TENM3: variants seen among roughly 807,000 people sequenced by gnomAD.
The protein encoded by TENM3 is teneurin transmembrane protein 3, also known as teneurin-3.
TENM3 carries 63 observed loss-of-function variants against 255.1 expected under a neutral mutation model. That is an observed-to-expected ratio of 0.25 (90% CI 0.20 to 0.30). The LOEUF (loss-of-function observed/expected upper bound fraction) is 0.30. Ranked by LOEUF, TENM3 falls within the 10% of genes least tolerant of loss-of-function variation. The pLI is 1.00. For missense variants in TENM3, 2,929 were observed against 3,461.1 expected (o/e 0.85, Z 3.86); for synonymous variants, 1,306 against 1,322.3 (o/e 0.99, Z 0.27).
chr4:182,657,498 TTC>T (rs1753853244), intron 6 of TENM3, among the ~76,000 whole-genome samples: 1 of 152,154 alleles, frequency 6.6e-6, no homozygotes, highest in African/African-American at 2.4e-5. Flanking sequence ...CTTGATCCCA[TTC>T]TCTCTTCAGA....
chr4:181,871,871 T>G, the TENM3 span, among the ~76,000 whole-genome samples: 33 of 152,144 alleles, frequency 2.2e-4, no homozygotes, highest in Admixed American at 6.6e-5. Context: ...AAATTGATTT[T>G]TTAAGTGCTA....
chr4:181,515,269 C>T, the TENM3 span, among the ~76,000 whole-genome samples: 1 of 152,186 alleles, frequency 6.6e-6, no homozygotes, highest in Non-Finnish European at 1.5e-5. Flanking sequence ...ACTGTGTTCT[C>T]TTTGCTCTCA....
chr4:181,538,540 G>A, the TENM3 span, among the ~76,000 whole-genome samples: 1 of 151,836 alleles, frequency 6.6e-6, no homozygotes. Context: ...TGGGGTGGGG[G>A]AACATCAGGG....
intron 2 of TENM3, among the ~76,000 whole-genome samples, chr4:182,329,195 G>A (rs529971976): frequency 6.6e-6 from 1 of 152,300 alleles, no homozygotes; most frequent in African/African-American, 2.4e-5. Flanking sequence ...GGATCGTGAA[G>A]GACCAAGCTG....
intron 16 of TENM3, among the ~76,000 whole-genome samples, chr4:182,734,095 C>G (rs184163831): frequency 6.6e-6 from 1 of 152,184 alleles, no homozygotes; most frequent in Non-Finnish European, 1.5e-5. Context: ...ATTCTAAATG[C>G]GATAAAGATT....
chr4:181,928,762 G>A, the TENM3 span, among the ~76,000 whole-genome samples: 1,473 of 152,218 alleles, frequency 9.7e-3, 25 homozygotes, highest in African/African-American at 0.033. Flanking sequence ...GGAAAAAAAT[G>A]TTAAGGGCAG....
At chr4:181,912,718 T>C in the TENM3 span, among the ~76,000 whole-genome samples, 18 of 148,808 alleles carry the variant, frequency 1.2e-4, no homozygotes, top group Admixed American at 1.2e-3. Context: ...GTTGCAATGA[T>C]CTGAGATCAT....
At chr4:182,250,500 G>C (rs1055091913) in intron 1 of TENM3, among the ~76,000 whole-genome samples, 2 of 151,798 alleles carry the variant, frequency 1.3e-5, no homozygotes, top group Non-Finnish European at 2.9e-5. Context: ...GTAAAGGATA[G>C]AGTGAGATTT....
chr4:181,825,400 CAAAAAAA>C, the TENM3 span, among the ~76,000 whole-genome samples: 3 of 70,428 alleles, frequency 4.3e-5, no homozygotes, highest in Admixed American at 2.1e-4. Flanking sequence ...GACTCCATCT[CAAAAAAA>C]AAAAAAAAAA....
the TENM3 span, among the ~76,000 whole-genome samples, chr4:181,614,071 G>A: frequency 6.7e-6 from 1 of 149,332 alleles, no homozygotes; most frequent in Non-Finnish European, 1.5e-5. Context: ...AGCTATTATT[G>A]TTATTTTAAA....
the TENM3 span, among the ~76,000 whole-genome samples, chr4:182,005,304 A>G: frequency 6.6e-6 from 1 of 152,194 alleles, no homozygotes; most frequent in Non-Finnish European, 1.5e-5. Context: ...CAGTTTTCCC[A>G]GCACCATTTA....
the TENM3 span, among the ~76,000 whole-genome samples, chr4:181,853,515 A>G: frequency 6.6e-6 from 1 of 152,252 alleles, no homozygotes; most frequent in African/African-American, 2.4e-5. Flanking sequence ...TGTTAATTAT[A>G]TCACTCTCGT....
chr4:181,644,396 A>G, the TENM3 span, among the ~76,000 whole-genome samples: 1 of 151,844 alleles, frequency 6.6e-6, no homozygotes, highest in African/African-American at 2.4e-5. Flanking sequence ...AGGTCTCTAA[A>G]CAGAATTGCC....
At chr4:181,964,484 G>A in the TENM3 span, among the ~76,000 whole-genome samples, 1 of 151,798 alleles carries the variant, frequency 6.6e-6, no homozygotes, top group Non-Finnish European at 1.5e-5. Context: ...TCATTCCTGT[G>A]TCTGTGTAGT....
intron 3 of TENM3, among the ~76,000 whole-genome samples, chr4:182,429,286 G>A (rs1771457179): frequency 6.6e-6 from 1 of 152,054 alleles, no homozygotes; most frequent in African/African-American, 2.4e-5. Context: ...TGGTATTATT[G>A]GATATAAAAA....
chr4:182,239,109 C>A (rs1431418733), upstream of TENM3, among the ~76,000 whole-genome samples: 1 of 149,872 alleles, frequency 6.7e-6, no homozygotes, highest in Admixed American at 6.7e-5. Context: ...CGGCGTCTCG[C>A]TGTGTCTCCC....
chr4:182,309,993 G>T (rs991829557), intron 1 of TENM3, among the ~76,000 whole-genome samples: 6 of 152,086 alleles, frequency 3.9e-5, no homozygotes, highest in Non-Finnish European at 7.3e-5. Context: ...ATGCTTTTTG[G>T]ATAATTAAAA....
intron 3 of TENM3, among the ~76,000 whole-genome samples, chr4:182,489,907 C>T (rs1278479954): frequency 6.6e-6 from 1 of 150,980 alleles, no homozygotes; most frequent in East Asian, 2.0e-4. Flanking sequence ...TCTCCCCCTT[C>T]TGGGATGTTG....
chr4:181,652,173 A>G, the TENM3 span, among the ~76,000 whole-genome samples: 2 of 149,000 alleles, frequency 1.3e-5, no homozygotes, highest in Non-Finnish European at 3.0e-5. Context: ...AAATCCACTC[A>G]GGCTGTTGTA....
Sources: allele counts gnomAD v4.1 joint callset (sites outside exome capture counted in the v4.1 genomes callset), GRCh38; gene constraint gnomAD v4.1.1; transcripts MANE v1.5; gene names NCBI Gene and HGNC (gene_info 2026-07-23, HGNC 2026-07-21).